ARMC9: variants seen among roughly 807,000 people sequenced by gnomAD.
ARMC9 encodes armadillo repeat containing 9.
Under a neutral mutation model 107.0 loss-of-function variants are expected in ARMC9, and 94 were observed. The ratio of observed to expected loss-of-function variants is 0.88; its 90% CI spans 0.74 to 1.04. The LOEUF is 1.04. Ranked by LOEUF, ARMC9 falls within the 50% of genes least tolerant of loss-of-function variation. The pLI is 0.00. For missense variants in ARMC9, 942 were observed against 1,030.1 expected (o/e 0.91, Z 1.17); for synonymous variants, 380 against 396.9 (o/e 0.96, Z 0.51).
At chr2:231,344,847 TC>T (rs1305288642) in intron 20 of ARMC9, 127 bp from the exon 21 acceptor site, 5 of 973,458 alleles carry the variant, frequency 5.1e-6, no homozygotes, top group Non-Finnish European at 7.8e-6. Context: ...TGTGACATGA[TC>T]CTTCCTCATT....
chr2:231,344,193 A>G (rs1239985253), intron 20 of ARMC9, among the ~76,000 whole-genome samples: 1 of 152,220 alleles, frequency 6.6e-6, no homozygotes, highest in Non-Finnish European at 1.5e-5. Flanking sequence ...GAACATTTTT[A>G]CAACTCTTGA....
intron 20 of ARMC9, among the ~76,000 whole-genome samples, chr2:231,338,661 C>T (rs888602699): frequency 6.6e-6 from 1 of 151,538 alleles, no homozygotes; most frequent in Non-Finnish European, 1.5e-5. Flanking sequence ...CACCTCAGCC[C>T]CCCAAGTACA....
chr2:231,360,793 G>A lies in ARMC9; in HGVS notation c.2171G>A (p.Gly724Glu), dbSNP rs1301946383. 14 of 1,536,028 alleles carry A rather than the reference G, an allele frequency of 9.1e-6. No individual in the cohort carries two copies. The highest frequency in any genetic ancestry group is 2.0e-5 in the Admixed American group (1 of 50,988). ...AAGCCAGGAGAGTGGCTCCCAAGAG[G>A]ACGCCAGGAAGAGCCTCGCCCAGCC... ...IAKPGEWLPR[G>E]RQEEPRPAPT... The change falls in exon 23 of 25, where the codon GGA becomes GAA. Residue 724 changes from glycine to glutamate, a missense_variant. Coordinates refer to ENST00000611582, the MANE Select transcript of ARMC9 (RefSeq NM_001352754.2). The surrounding 1 kb of genome is among the most constrained non-coding windows in gnomAD (Gnocchi z 4.7).
intron 1 of ARMC9, among the ~76,000 whole-genome samples, chr2:231,199,238 A>G (rs149243153): frequency 0.022 from 3,419 of 152,340 alleles, 68 homozygotes; most frequent in Non-Finnish European, 0.031. Context: ...GCAATCCCCA[A>G]ATGTAACTGG....
At chr2:231,302,995 C>T (rs2041847817) in intron 19 of ARMC9, among the ~76,000 whole-genome samples, 1 of 152,170 alleles carries the variant, frequency 6.6e-6, no homozygotes, top group Admixed American at 6.5e-5. Context: ...CGGAGCGAGA[C>T]TCCGTCTCAA....
intron 20 of ARMC9, among the ~76,000 whole-genome samples, chr2:231,343,685 A>G (rs1325160749): frequency 1.3e-5 from 2 of 152,212 alleles, no homozygotes; most frequent in Non-Finnish European, 2.9e-5. Flanking sequence ...GTGGCAGAAA[A>G]AAATATTCTT....
In ARMC9 at chr2:231,208,908, C is replaced by CT. The variant is rs199667707; in HGVS notation, c.177+665dup. ...ACACAGTAGGACCTCGTTTCTTTTTCTTTTTTTTTGAGATGGAGTCTCTCG... is the reference window on the plus strand; with the variant it reads ...ACACAGTAGGACCTCGTTTCTTTTTCTTTTTTTTTTGAGATGGAGTCTCTCG... On this transcript the variant is annotated intron_variant, in intron 3 of 24. Transcript: ENST00000611582. Among the ~76,000 whole-genome samples, 905 of 151,162 alleles carry CT rather than the reference C, an allele frequency of 6.0e-3. 8 individuals are homozygous for CT. Among genetic ancestry groups the CT allele is most frequent in the African/African-American group, 0.021 (871 of 41,224 alleles).
intron 9 of ARMC9, among the ~76,000 whole-genome samples, chr2:231,247,047 C>A (rs2036836855): frequency 6.6e-6 from 1 of 152,048 alleles, no homozygotes; most frequent in African/African-American, 2.4e-5. Context: ...GCTCCGCCTC[C>A]CGGGTTCATG....
chr2:231,347,205 G>A (rs1408675005), intron 21 of ARMC9, among the ~76,000 whole-genome samples: 1 of 152,212 alleles, frequency 6.6e-6, no homozygotes, highest in Admixed American at 6.5e-5. Context: ...AAGCTGCCAG[G>A]TAATGAGGGC....
At chr2:231,283,078 A>T (rs181510062) in intron 17 of ARMC9, among the ~76,000 whole-genome samples, 3 of 152,270 alleles carry the variant, frequency 2.0e-5, no homozygotes, top group Admixed American at 1.3e-4. Context: ...GTGGGGAGTG[A>T]AGCTGAGGAT....
chr2:231,252,539 C>T (rs571211348), intron 9 of ARMC9, among the ~76,000 whole-genome samples: 20 of 152,274 alleles, frequency 1.3e-4, no homozygotes, highest in African/African-American at 4.3e-4. Context: ...CATGAGCCAC[C>T]GCTCCCAGCC....
At chr2:231,281,623 C>G (rs1048074547) in intron 16 of ARMC9, among the ~76,000 whole-genome samples, 1 of 152,074 alleles carries the variant, frequency 6.6e-6, no homozygotes, top group African/African-American at 2.4e-5. Flanking sequence ...TTTGATGTAG[C>G]CTGGTTCATG....
chr2:231,315,158 G>T (rs190677000), intron 19 of ARMC9, among the ~76,000 whole-genome samples: 37 of 150,606 alleles, frequency 2.5e-4, no homozygotes, highest in African/African-American at 8.8e-4. Context: ...AGAATCACTT[G>T]AACCTGGGAG....
Position 231,376,290 on chromosome 2 carries a change from G to A in ARMC9, c.*4755G>A, listed in dbSNP as rs1482272759. 6.6e-6 allele frequency among the ~76,000 whole-genome samples: 1 copy of A among 152,164 alleles called. No homozygotes were observed. The highest frequency in any genetic ancestry group is 1.9e-4 in the East Asian group (1 of 5,198). On this transcript the variant is annotated 3_prime_UTR_variant, in exon 25 of 25. Transcript: ENST00000611582. Reference sequence around the variant, plus strand: ...CTTAAACTCTGACCACTGGTGAGTCGGGCGGAACAGAGCCATATTTCTCTT... The same window carrying A: ...CTTAAACTCTGACCACTGGTGAGTCAGGCGGAACAGAGCCATATTTCTCTT...
At chr2:231,279,810 C>T (rs536562853) in intron 16 of ARMC9, among the ~76,000 whole-genome samples, 1 of 152,216 alleles carries the variant, frequency 6.6e-6, no homozygotes, top group Non-Finnish European at 1.5e-5. Flanking sequence ...ATGCCTGGCC[C>T]GTCTGTTCCC....
intron 14 of ARMC9, among the ~76,000 whole-genome samples, chr2:231,274,555 C>T (rs910584622): frequency 1.3e-5 from 2 of 152,174 alleles, no homozygotes; most frequent in Admixed American, 6.5e-5. Context: ...GGATCGGCAT[C>T]TAGGAGAGGA....
intron 6 of ARMC9, among the ~76,000 whole-genome samples, chr2:231,224,121 A>G (rs1373546006): frequency 6.6e-6 from 1 of 152,208 alleles, no homozygotes; most frequent in African/African-American, 2.4e-5. Flanking sequence ...GGTAAATTAT[A>G]TTAGTTATAT....
chr2:231,278,444 C>T lies in ARMC9; in HGVS notation c.1537C>T (p.His513Tyr), dbSNP rs1255364208. ...VLKVLSDLLG[H>Y]ENHEIQPYVN... The stretch of plus-strand genomic sequence containing the variant: ...CAAAGTCCTTTCGGATCTTCTTGGC[C>T]ATGAAAACCATGAGGTACTCATTCA... The change falls in exon 16 of 25, where the codon CAT (histidine) becomes TAT (tyrosine). Residue 513 changes from histidine to tyrosine, a missense_variant. His to Tyr is a moderately conservative substitution (Grantham distance 83, BLOSUM62 2). Transcript: ENST00000611582. The T allele has an allele frequency of 6.2e-7, 1 of 1,614,012 alleles. No individual in the cohort carries two copies.
chr2:231,296,860 A>C (rs1274476377), intron 19 of ARMC9, among the ~76,000 whole-genome samples: 1 of 152,196 alleles, frequency 6.6e-6, no homozygotes, highest in Admixed American at 6.5e-5. Flanking sequence ...AAGATTTTAC[A>C]TGGTTTTCCT....
Sources: allele counts gnomAD v4.1 joint callset (sites outside exome capture counted in the v4.1 genomes callset), GRCh38; gene constraint gnomAD v4.1.1; non-coding constraint Gnocchi (gnomAD v3.1); transcripts MANE v1.5; gene names NCBI Gene and HGNC (gene_info 2026-07-23, HGNC 2026-07-21).